The following ARID2 variants were observed in gnomAD, a reference collection of about 807,000 sequenced individuals.
The protein encoded by ARID2 is AT-rich interaction domain 2, also known as AT-rich interactive domain-containing protein 2.
Under a neutral mutation model 184.6 loss-of-function variants are expected in ARID2, and 32 were observed. The ratio of observed to expected loss-of-function variants is 0.17; its 90% CI spans 0.13 to 0.23. The LOEUF is 0.23. Ranked by LOEUF, ARID2 falls within the 10% of genes least tolerant of loss-of-function variation. The probability of loss-of-function intolerance (pLI) is 1.00; values close to 1 mark genes in which losing one functional copy is unlikely to be tolerated. For synonymous variants in ARID2, 836 were observed against 772.6 expected, an observed-to-expected ratio of 1.08 and a Z score of -1.36; for missense variants, 1,696 against 2,197.6, an observed-to-expected ratio of 0.77 and a Z score of 4.56.
At position 45,848,885 on chromosome 12, in the gene ARID2, G is replaced by C. The variant is rs1943489555; in HGVS notation, c.1630G>C (p.Glu544Gln). The change falls in exon 13 of 21, where the codon GAA (glutamate) becomes CAA (glutamine). Residue 544 changes from glutamate (E) to glutamine (Q), a missense_variant. By Grantham distance (29) the Glu-to-Gln change is conservative. Transcript: ENST00000334344. ...TCCAGATTGTTCTGTTTCTCGAGCA[G>C]AAATGTATTCTGAATACCTCTCGAC... ...VNPDCSVSRA[E>Q]MYSEYLSTCS... The C allele has an allele frequency of 6.2e-7, 1 of 1,612,390 alleles. No individual in the cohort carries two copies. The highest frequency in any genetic ancestry group is 8.5e-7 in the Non-Finnish European group (1 of 1,179,012).
Position 45,803,189 on chromosome 12 carries a change from T to C in ARID2, c.285-8229T>C, listed in dbSNP as rs117819647. Among the ~76,000 whole-genome samples the C allele has an allele frequency of 3.7e-4, 57 of 152,340 alleles. 1 individual carries two copies. The East Asian group carries it at 0.011, about 29-fold the overall frequency. On this transcript the variant is annotated intron_variant, in intron 3 of 20. Coordinates refer to ENST00000334344, the MANE Select transcript of ARID2 (RefSeq NM_152641.4). Reference sequence around the variant, plus strand: ...TGAATTTTGTTTTTGAAAGAGAATCTAGTAAATACCATAAGCTCAGACATG... The same window carrying C: ...TGAATTTTGTTTTTGAAAGAGAATCCAGTAAATACCATAAGCTCAGACATG...
chr12:45,749,363 C>T (rs1004558754), intron 3 of ARID2, among the ~76,000 whole-genome samples: 6 of 152,140 alleles, frequency 3.9e-5, no homozygotes, highest in African/African-American at 1.4e-4. Context: ...GTAAACCATG[C>T]TGTTAACAGA....
At chr12:45,805,603 A>C (rs997011412) in intron 3 of ARID2, among the ~76,000 whole-genome samples, 3 of 152,056 alleles carry the variant, frequency 2.0e-5, no homozygotes, top group African/African-American at 7.2e-5. Flanking sequence ...CCATTCCGAC[A>C]TTTTAAAAAA....
At chr12:45,786,973 A>G (rs762128992) in intron 3 of ARID2, among the ~76,000 whole-genome samples, 5 of 152,206 alleles carry the variant, frequency 3.3e-5, no homozygotes, top group Non-Finnish European at 7.4e-5. Flanking sequence ...TGATTTCCAG[A>G]GGCTGGAAGT....
chr12:45,861,922 A>T (rs1274637506), intron 16 of ARID2, among the ~76,000 whole-genome samples: 1 of 152,130 alleles, frequency 6.6e-6, no homozygotes, highest in Non-Finnish European at 1.5e-5. Context: ...GATATCAAAG[A>T]TTCCATTTCA....
chr12:45,811,367 T>G (rs1275359875), intron 3 of ARID2, 51 bp from the exon 4 acceptor site: 1 of 1,541,314 alleles, frequency 6.5e-7, no homozygotes, highest in Non-Finnish European at 8.8e-7. Flanking sequence ...GAGTTAAAAA[T>G]AAGATATAAA....
At chr12:45,896,514 G>A (rs1238690713) in intron 20 of ARID2, among the ~76,000 whole-genome samples, 1 of 152,140 alleles carries the variant, frequency 6.6e-6, no homozygotes, top group African/African-American at 2.4e-5. Flanking sequence ...TTTAAAAAAG[G>A]GAGTGTGCCT....
At chr12:45,769,647 C>T (rs1486085971) in intron 3 of ARID2, among the ~76,000 whole-genome samples, 1 of 152,134 alleles carries the variant, frequency 6.6e-6, no homozygotes, top group Non-Finnish European at 1.5e-5. Flanking sequence ...TCTTTCATTG[C>T]CAAATTTATT....
intron 16 of ARID2, chr12:45,881,922 C>G (rs969037379): frequency 1.5e-5 from 3 of 197,174 alleles, no homozygotes; most frequent in Admixed American, 5.4e-5. Flanking sequence ...GTGGAACATG[C>G]CAGAGGTCAC....
chr12:45,751,312 A>G (rs558431720), intron 3 of ARID2, among the ~76,000 whole-genome samples: 2 of 152,334 alleles, frequency 1.3e-5, no homozygotes, highest in South Asian at 2.1e-4. Flanking sequence ...GGTATGTTCA[A>G]AGAACATTTA....
intron 3 of ARID2, among the ~76,000 whole-genome samples, chr12:45,807,301 T>C (rs1197899968): frequency 6.6e-6 from 1 of 152,212 alleles, no homozygotes; most frequent in Non-Finnish European, 1.5e-5. Flanking sequence ...TTTGTTAATA[T>C]GGAAGTGTTT....
chr12:45,732,190 TA>T (rs1302315159), intron 3 of ARID2, among the ~76,000 whole-genome samples: 1 of 152,196 alleles, frequency 6.6e-6, no homozygotes, highest in Non-Finnish European at 1.5e-5. Context: ...TTGGTGTTAT[TA>T]AAAACTAAAA....
At chr12:45,833,532 G>A in intron 6 of ARID2, among the ~76,000 whole-genome samples, 1 of 152,116 alleles carries the variant, frequency 6.6e-6, no homozygotes, top group East Asian at 1.9e-4. Context: ...AGATGTGAGT[G>A]TTGTGTGAGT....
At chr12:45,869,313 C>T (rs934394097) in intron 16 of ARID2, among the ~76,000 whole-genome samples, 2 of 152,146 alleles carry the variant, frequency 1.3e-5, no homozygotes, top group Non-Finnish European at 2.9e-5. Context: ...CCGTGCCCGG[C>T]CGCGATTGCT....
intron 5 of ARID2, among the ~76,000 whole-genome samples, chr12:45,820,738 A>G (rs1183337406): frequency 1.3e-5 from 2 of 152,190 alleles, no homozygotes; most frequent in African/African-American, 4.8e-5. Flanking sequence ...AGCTAGCAGC[A>G]TGAAGGAGAA....
chr12:45,871,894 G>T (rs985814534), intron 16 of ARID2, among the ~76,000 whole-genome samples: 1 of 152,128 alleles, frequency 6.6e-6, no homozygotes, highest in African/African-American at 2.4e-5. Context: ...AAATATGTGA[G>T]CATAGAGATA....
Position 45,839,259 on chromosome 12 carries a change from T to C in ARID2, c.1331-70T>C, listed in dbSNP as rs112994087. 2,101 of 1,348,758 alleles carry C rather than the reference T, an allele frequency of 1.6e-3. 23 individuals carry two copies. The African/African-American group carries it at 0.027, about 17-fold the overall frequency. 83.5% of individuals were successfully genotyped at this position (1,348,758 alleles called of 1,614,324 possible). On this transcript the variant is annotated intron_variant, in intron 10 of 20. Coordinates refer to ENST00000334344, the MANE Select transcript of ARID2 (RefSeq NM_152641.4). ...ACATTGATAAGTATTCTGTACAACA[T>C]GTGTTCACCAGTGATGGCATTCATT...
rs1944305733 is a variant in ARID2 at position 45,891,853 on chromosome 12, C to A, written c.4996C>A (p.Gln1666Lys). The A allele has an allele frequency of 6.2e-7, 1 of 1,614,190 alleles. No individual in the cohort carries two copies. The highest frequency in any genetic ancestry group is 1.3e-5 in the African/African-American group (1 of 75,054). ...EHGGKDVYPGQCLWEGCEPFQ... is the reference protein window; with the variant it reads ...EHGGKDVYPGKCLWEGCEPFQ... ...TGGAGGAAAAGATGTATATCCAGGG[C>A]AGTGTCTTTGGGAAGGTTGTGAGCC... The change falls in exon 17 of 21, where the codon CAG (glutamine) becomes AAG (lysine). Residue 1666 changes from glutamine to lysine, a missense_variant. Gln to Lys is a moderately conservative substitution (Grantham distance 53). Coordinates refer to ENST00000334344, the MANE Select transcript of ARID2 (RefSeq NM_152641.4).
chr12:45,849,259 T>G (rs1393122526), intron 13 of ARID2, among the ~76,000 whole-genome samples: 1 of 152,188 alleles, frequency 6.6e-6, no homozygotes, highest in Non-Finnish European at 1.5e-5. Flanking sequence ...TAATCTTGAA[T>G]AATAGAATAT....
Sources: gnomAD v4.1 joint callset for allele counts (sites outside exome capture counted in the v4.1 genomes callset) on GRCh38, gnomAD v4.1.1 for gene constraint, MANE v1.5 for transcripts, NCBI Gene and HGNC (gene_info 2026-07-23, HGNC 2026-07-21) for gene names.